DNAI7: variants seen among roughly 807,000 people sequenced by gnomAD.
DNAI7 encodes cancer susceptibility 1.
Under a neutral mutation model 86.6 loss-of-function variants are expected in DNAI7, and 78 were observed. The ratio of observed to expected loss-of-function variants is 0.90; its 90% CI spans 0.75 to 1.09. The LOEUF (loss-of-function observed/expected upper bound fraction) is 1.09, where lower values mean the gene tolerates loss of function less well. DNAI7 is among the 50% of genes least tolerant of loss of function. DNAI7 has a pLI of 0.00. For missense variants in DNAI7, 753 were observed against 810.2 expected, an observed-to-expected ratio of 0.93 and a Z score of 0.86; for synonymous variants, 274 against 273.0, an observed-to-expected ratio of 1.00 and a Z score of -0.04.
chr12:25,160,398 C>T (rs1419988247), intron 3 of DNAI7, among the ~76,000 whole-genome samples: 2 of 152,130 alleles, frequency 1.3e-5, no homozygotes, highest in Non-Finnish European at 2.9e-5. Flanking sequence ...CAACCTTTTT[C>T]GATTACTGAC....
Position 25,108,696 on chromosome 12 carries a change from TCTTTAAGTG to T in DNAI7, c.2012_2020del (p.Ala671_Lys673del). 2 of 1,613,652 alleles carry T rather than the reference TCTTTAAGTG, an allele frequency of 1.2e-6. No homozygotes were observed. Among genetic ancestry groups the T allele is most frequent in the Non-Finnish European group, 1.7e-6 (2 of 1,179,852 alleles). On this transcript the variant is annotated inframe_deletion, in exon 16 of 16. Coordinates refer to ENST00000395987, the MANE Select transcript of DNAI7 (RefSeq NM_018272.5). ...TAAAGTAGAATGAAACTCAGTTTCT[TCTTTAAGTG>T]CTTCAGAAAATGCCTCACTCTCTTC...
In DNAI7 at chr12:25,108,298, T is replaced by C; in HGVS notation, c.*250A>G. ...AGGAAGAAATATTATATATTGTTTG[T>C]TAAAGTTTATTGAAATAAAGAATCA... On this transcript the variant is annotated 3_prime_UTR_variant, in exon 16 of 16. Coordinates refer to ENST00000395987, the MANE Select transcript of DNAI7 (RefSeq NM_018272.5). 1.8e-6 allele frequency: 1 copy of C among 547,794 alleles called. No homozygotes were observed. The allele number at this position is 547,794 out of a possible 1,614,324, so 33.9% of individuals were successfully genotyped here.
At chr12:25,158,184 A>G (rs889147953) in intron 4 of DNAI7, among the ~76,000 whole-genome samples, 4 of 152,036 alleles carry the variant, frequency 2.6e-5, no homozygotes, top group South Asian at 2.1e-4. Context: ...AGCCAAGATC[A>G]CACCACTGCA....
chr12:25,125,640 T>C (rs1326520208), intron 9 of DNAI7, among the ~76,000 whole-genome samples: 1 of 152,170 alleles, frequency 6.6e-6, no homozygotes, highest in Non-Finnish European at 1.5e-5. Flanking sequence ...AATTTTTGCT[T>C]TTGTTGCAAT....
chr12:25,150,341 A>G (rs1158819279), intron 6 of DNAI7, among the ~76,000 whole-genome samples: 2 of 152,194 alleles, frequency 1.3e-5, no homozygotes, highest in African/African-American at 2.4e-5. Flanking sequence ...GCAGTGGCTC[A>G]TGCCTGCAAT....
At chr12:25,111,741 CCA>C in intron 14 of DNAI7, 29 bp downstream of exon 14, 1 of 1,434,536 alleles carries the variant, frequency 7.0e-7, no homozygotes, top group African/African-American at 1.4e-5. Flanking sequence ...TAAATGCACG[CCA>C]CATTAAATTT....
chr12:25,107,054 A>G (rs916388513), downstream of DNAI7: 3 of 1,505,720 alleles, frequency 2.0e-6, no homozygotes, highest in African/African-American at 2.8e-5. Flanking sequence ...CTTCAGTGTA[A>G]GTTATCTACT....
intron 2 of DNAI7, among the ~76,000 whole-genome samples, chr12:25,168,049 T>C (rs1015625522): frequency 4.6e-5 from 7 of 152,066 alleles, no homozygotes; most frequent in Non-Finnish European, 8.8e-5. Context: ...TCACACACCA[T>C]GAAAATCGAA....
chr12:25,174,100 T>C (rs1948489063), intron 2 of DNAI7, among the ~76,000 whole-genome samples: 1 of 148,502 alleles, frequency 6.7e-6, no homozygotes, highest in East Asian at 1.9e-4. Flanking sequence ...GAGAATTGTG[T>C]ATTCATGTCC....
chr12:25,111,102 C>G (rs568435089), intron 14 of DNAI7, among the ~76,000 whole-genome samples: 5 of 152,270 alleles, frequency 3.3e-5, no homozygotes, highest in African/African-American at 9.6e-5. Flanking sequence ...CTGATACATT[C>G]ATAAATATTC....
At chr12:25,157,315 AAAG>A (rs1349086187) in intron 4 of DNAI7, among the ~76,000 whole-genome samples, 1 of 151,922 alleles carries the variant, frequency 6.6e-6, no homozygotes, top group Admixed American at 6.6e-5. Flanking sequence ...ATACAGTATC[AAAG>A]AAGAATATCC....
intron 9 of DNAI7, among the ~76,000 whole-genome samples, chr12:25,137,795 G>A (rs1224414177): frequency 6.6e-6 from 1 of 152,104 alleles, no homozygotes; most frequent in Non-Finnish European, 1.5e-5. Flanking sequence ...AAAAGACAAA[G>A]AGGGACACTA....
rs766185079 is a variant in DNAI7 at position 25,149,694 on chromosome 12, T to C, written c.519A>G (p.Glu173=). The change falls in exon 7 of 16, where the codon GAA becomes GAG. Residue 173 remains glutamate (E), a synonymous_variant. Transcript: ENST00000395987. ...LQDKNIIQYQ[E]SILQLQELLH... ...GGAGCTCCTGCAGTTGTAGTATTGA[T>C]TCTTGGTACTGTATTATATTTTTAT... 19 of 1,591,802 alleles carry C rather than the reference T, an allele frequency of 1.2e-5. No individual in the cohort carries two copies. The East Asian group carries it at 1.3e-4, about 11-fold the overall frequency.
chr12:25,114,906 T>C, intron 12 of DNAI7, 36 bp from the exon 13 acceptor site: 1 of 1,463,548 alleles, frequency 6.8e-7, no homozygotes, highest in South Asian at 1.2e-5. Context: ...ACTAGTTTCA[T>C]TTTTTCCCTA....
intron 2 of DNAI7, among the ~76,000 whole-genome samples, chr12:25,179,211 C>T (rs1214594650): frequency 6.6e-6 from 1 of 152,104 alleles, no homozygotes; most frequent in African/African-American, 2.4e-5. Flanking sequence ...TTTTTACCTT[C>T]AATATAATAT....
chr12:25,137,425 C>T (rs1278609251), intron 9 of DNAI7, among the ~76,000 whole-genome samples: 1 of 151,960 alleles, frequency 6.6e-6, no homozygotes, highest in African/African-American at 2.4e-5. Flanking sequence ...AAAACAGAAC[C>T]CCCCTAAATC....
chr12:25,178,161 G>A (rs1476443046), intron 2 of DNAI7, among the ~76,000 whole-genome samples: 1 of 152,078 alleles, frequency 6.6e-6, no homozygotes, highest in African/African-American at 2.4e-5. Context: ...TGCTCTAGAA[G>A]AATCTGTATT....
At chr12:25,140,786 C>T (rs919420053) in intron 9 of DNAI7, among the ~76,000 whole-genome samples, 1 of 152,106 alleles carries the variant, frequency 6.6e-6, no homozygotes, top group African/African-American at 2.4e-5. Context: ...AATCTGGAGG[C>T]ATTGCATTAC....
intron 9 of DNAI7, among the ~76,000 whole-genome samples, chr12:25,139,484 C>G (rs1298418631): frequency 6.6e-6 from 1 of 152,104 alleles, no homozygotes; most frequent in Admixed American, 6.6e-5. Context: ...TAACCGAATC[C>G]AACAGCATAT....
Sources: allele counts gnomAD v4.1 joint callset (sites outside exome capture counted in the v4.1 genomes callset), GRCh38; gene constraint gnomAD v4.1.1; transcripts MANE v1.5; gene names NCBI Gene and HGNC (gene_info 2026-07-23, HGNC 2026-07-21).